Variants in AP3B1 observed in about 807,000 individuals in gnomAD.
AP3B1 encodes the protein AP-3 complex subunit beta-1.
AP3B1 carries 61 observed loss-of-function variants against 132.5 expected under a neutral mutation model. The ratio of observed to expected loss-of-function variants is 0.46; its 90% CI spans 0.37 to 0.57. The LOEUF is 0.57. AP3B1 is among the 20% of genes least tolerant of loss of function. The pLI, the probability that AP3B1 is intolerant of heterozygous loss-of-function variation, is 0.00. For missense variants in AP3B1, 1,120 were observed against 1,289.4 expected (o/e 0.87, Z 2.01); for synonymous variants, 388 against 438.3 (o/e 0.89, Z 1.43).
intron 20 of AP3B1, among the ~76,000 whole-genome samples, chr5:78,106,462 AAAAG>A (rs140246615): frequency 1.6e-3 from 244 of 151,266 alleles, no homozygotes; most frequent in Non-Finnish European, 1.7e-3. Flanking sequence ...TGTCTCAAAA[AAAAG>A]AAAGAAAGAA....
At chr5:78,050,793 C>T (rs747675507) in intron 22 of AP3B1, among the ~76,000 whole-genome samples, 10 of 151,990 alleles carry the variant, frequency 6.6e-5, no homozygotes, top group Non-Finnish European at 1.3e-4. Flanking sequence ...GACTAACATT[C>T]AAAGAATTAA....
At chr5:78,089,577 T>C (rs1161653993) in intron 21 of AP3B1, 78 bp from the exon 22 acceptor site, 1 of 918,668 alleles carries the variant, frequency 1.1e-6, no homozygotes, top group Non-Finnish European at 1.8e-6. Flanking sequence ...TTTATTTTGT[T>C]AGTAAATCTA....
intron 24 of AP3B1, among the ~76,000 whole-genome samples, chr5:78,026,550 G>C (rs956667579): frequency 6.6e-6 from 1 of 152,088 alleles, no homozygotes; most frequent in East Asian, 1.9e-4. Context: ...ATATGTAATA[G>C]GGATATATCA....
intron 15 of AP3B1, among the ~76,000 whole-genome samples, chr5:78,132,206 CAATTCCTAAAACATT>C (rs1315520564): frequency 2.0e-4 from 31 of 152,282 alleles, no homozygotes; most frequent in African/African-American, 7.0e-4. Flanking sequence ...GCACAACAAC[CAATTCCTAAAACATT>C]TCTCTTCCAT....
intron 22 of AP3B1, among the ~76,000 whole-genome samples, chr5:78,069,263 G>T (rs1246509509): frequency 1.3e-5 from 2 of 152,100 alleles, no homozygotes; most frequent in Non-Finnish European, 2.9e-5. Context: ...GGTCAATCAG[G>T]CAAGAGAAAG....
chr5:78,267,452 T>C (rs1748370069), intron 2 of AP3B1, 68 bp downstream of exon 2: 4 of 631,812 alleles, frequency 6.3e-6, no homozygotes, highest in East Asian at 3.5e-5. Context: ...TTTTTATATA[T>C]ATATATAATA....
intron 7 of AP3B1, among the ~76,000 whole-genome samples, chr5:78,199,018 T>G (rs1384513426): frequency 2.0e-5 from 3 of 152,256 alleles, no homozygotes; most frequent in Admixed American, 1.3e-4. Flanking sequence ...ACACTTTACA[T>G]GTTTTATATC....
rs145604812 is a variant in AP3B1 at position 78,276,480 on chromosome 5, C to T, written c.129-8885G>A. ...GGGGAGGTGACTCATGCCTGTAATC[C>T]CAGCATTTTGGTAGACCAAGGCAGG... is the stretch of plus-strand genomic sequence containing the variant. On this transcript the variant is annotated intron_variant, in intron 1 of 26. Transcript: ENST00000255194. Among the ~76,000 whole-genome samples, 985 of 152,132 alleles carry T rather than the reference C, an allele frequency of 6.5e-3. 6 individuals are homozygous for T. The highest frequency in any genetic ancestry group is 0.022 in the African/African-American group (926 of 41,492).
chr5:78,213,431 C>G (rs942765284), intron 7 of AP3B1, among the ~76,000 whole-genome samples: 1 of 152,126 alleles, frequency 6.6e-6, no homozygotes, highest in African/African-American at 2.4e-5. Context: ...ATATTTATAA[C>G]AAGAGTCTAA....
chr5:78,015,285 GGAGT>G, intron 26 of AP3B1, 121 bp downstream of exon 26: 1 of 1,018,656 alleles, frequency 9.8e-7, no homozygotes, highest in Non-Finnish European at 1.4e-6. Context: ...GAAAAAAAAG[GGAGT>G]GTGTGTATAT....
At chr5:78,249,578 T>C (rs907737796) in intron 2 of AP3B1, among the ~76,000 whole-genome samples, 5 of 146,482 alleles carry the variant, frequency 3.4e-5, no homozygotes, top group Non-Finnish European at 7.5e-5. Context: ...TTTTTCTTTT[T>C]CTTTTTTTTT....
At chr5:78,073,602 C>T (rs7710219) in intron 22 of AP3B1, among the ~76,000 whole-genome samples, 4,029 of 151,960 alleles carry the variant, frequency 0.027, 190 homozygotes, top group African/African-American at 0.092. Flanking sequence ...ATTTCAGAAA[C>T]TCATTTATTT....
intron 2 of AP3B1, among the ~76,000 whole-genome samples, chr5:78,256,534 T>C (rs1747856477): frequency 6.6e-6 from 1 of 151,878 alleles, no homozygotes; most frequent in African/African-American, 2.4e-5. Flanking sequence ...ATAAAAAGTC[T>C]CCCACTGAAG....
At chr5:78,006,430 A>T (rs973473591) in intron 26 of AP3B1, among the ~76,000 whole-genome samples, 1 of 152,222 alleles carries the variant, frequency 6.6e-6, no homozygotes, top group South Asian at 2.1e-4. Flanking sequence ...CTCTTCAAAA[A>T]TTGTTTACTT....
chr5:78,068,057 G>C (rs1242610532), intron 22 of AP3B1, among the ~76,000 whole-genome samples: 1 of 152,078 alleles, frequency 6.6e-6, no homozygotes, highest in East Asian at 1.9e-4. Context: ...TGGTGTGGTG[G>C]CTCACACCTG....
chr5:78,074,245 T>C (rs1403451344), intron 22 of AP3B1, among the ~76,000 whole-genome samples: 47 of 151,984 alleles, frequency 3.1e-4, no homozygotes, highest in Non-Finnish European at 1.9e-4. Context: ...ACCTCAGAAG[T>C]AGCATAGAAA....
intron 2 of AP3B1, among the ~76,000 whole-genome samples, chr5:78,264,185 A>G (rs1748222237): frequency 6.6e-6 from 1 of 152,206 alleles, no homozygotes; most frequent in Non-Finnish European, 1.5e-5. Context: ...TGTATTGAAT[A>G]ATAATCTAGA....
At chr5:78,006,702 G>A (rs77725788) in intron 26 of AP3B1, among the ~76,000 whole-genome samples, 1 of 152,182 alleles carries the variant, frequency 6.6e-6, no homozygotes, top group Non-Finnish European at 1.5e-5. Flanking sequence ...TGTATTGCCT[G>A]TGTATGACGG....
chr5:78,094,760 AAC>A (rs1273376123), intron 21 of AP3B1, among the ~76,000 whole-genome samples: 1 of 151,844 alleles, frequency 6.6e-6, no homozygotes, highest in Non-Finnish European at 1.5e-5. Flanking sequence ...GGCTCACTGG[AAC>A]CTCCGCCTCC....
Sources: gnomAD v4.1 joint callset for allele counts (sites outside exome capture counted in the v4.1 genomes callset) on GRCh38, gnomAD v4.1.1 for gene constraint, MANE v1.5 for transcripts, NCBI Gene and HGNC (gene_info 2026-07-23, HGNC 2026-07-21) for gene names.